The following SLC24A2 variants were observed in gnomAD, a reference collection of about 807,000 sequenced individuals.
SLC24A2 encodes sodium/potassium/calcium exchanger 2.
SLC24A2 carries 36 observed loss-of-function variants against 62.0 expected under a neutral mutation model. That is an observed-to-expected ratio of 0.58 (90% CI 0.44 to 0.77). The LOEUF (loss-of-function observed/expected upper bound fraction) is 0.77. Ranked by LOEUF, SLC24A2 falls within the 30% of genes least tolerant of loss-of-function variation. The probability of loss-of-function intolerance (pLI) is 0.00; values close to 1 mark genes in which losing one functional copy is unlikely to be tolerated. For missense variants in SLC24A2, 846 were observed against 817.9 expected, an observed-to-expected ratio of 1.03 and a Z score of -0.42; for synonymous variants, 358 against 294.0, an observed-to-expected ratio of 1.22 and a Z score of -2.23.
chr9:19,788,161 G>T (rs769176837), intron 1 of SLC24A2, among the ~76,000 whole-genome samples: 35 of 152,164 alleles, frequency 2.3e-4, no homozygotes, highest in Non-Finnish European at 4.7e-4. Context: ...CAGGTTTTCA[G>T]AGCAAAGCAA....
chr9:19,943,948 T>A, the SLC24A2 span, among the ~76,000 whole-genome samples: 2 of 152,144 alleles, frequency 1.3e-5, no homozygotes, highest in Admixed American at 1.3e-4. Context: ...GAACACCACA[T>A]TTTTCTACCA....
the SLC24A2 span, among the ~76,000 whole-genome samples, chr9:19,819,528 C>T: frequency 6.6e-6 from 1 of 151,860 alleles, no homozygotes; most frequent in African/African-American, 2.4e-5. Flanking sequence ...AAAAACAATC[C>T]CATCAAAAAG....
the SLC24A2 span, among the ~76,000 whole-genome samples, chr9:20,197,612 T>C: frequency 2.0e-5 from 3 of 151,780 alleles, no homozygotes; most frequent in Non-Finnish European, 1.5e-5. Flanking sequence ...TTGTATTTTT[T>C]AGAGAGACAG....
At chr9:20,288,612 T>C in the SLC24A2 span, among the ~76,000 whole-genome samples, 1 of 151,588 alleles carries the variant, frequency 6.6e-6, no homozygotes, top group Admixed American at 6.6e-5. Flanking sequence ...CTACTAAAAA[T>C]ACAAAAAATT....
chr9:20,234,954 C>T, the SLC24A2 span, among the ~76,000 whole-genome samples: 1 of 152,210 alleles, frequency 6.6e-6, no homozygotes, highest in Non-Finnish European at 1.5e-5. Flanking sequence ...AGACAGGACC[C>T]TCAGCTGCAG....
chr9:19,758,632 A>C (rs1465164586), intron 2 of SLC24A2, among the ~76,000 whole-genome samples: 2 of 152,204 alleles, frequency 1.3e-5, no homozygotes, highest in African/African-American at 2.4e-5. Flanking sequence ...CTTTTGAAAG[A>C]ACCATAGGAG....
At chr9:19,564,765 A>G (rs879814178) in intron 7 of SLC24A2, among the ~76,000 whole-genome samples, 1 of 152,168 alleles carries the variant, frequency 6.6e-6, no homozygotes, top group Non-Finnish European at 1.5e-5. Flanking sequence ...TAAAAGTTGA[A>G]TTTTTAGATT....
intron 2 of SLC24A2, among the ~76,000 whole-genome samples, chr9:19,763,676 T>C (rs535237643): frequency 3.3e-5 from 5 of 152,292 alleles, no homozygotes; most frequent in African/African-American, 1.2e-4. Context: ...TTGATCATGG[T>C]GGATAAGCTT....
At chr9:20,089,197 A>T in the SLC24A2 span, among the ~76,000 whole-genome samples, 3 of 152,020 alleles carry the variant, frequency 2.0e-5, no homozygotes, top group African/African-American at 7.3e-5. Context: ...AGGGACCAGA[A>T]ACTGGTCTGG....
the SLC24A2 span, among the ~76,000 whole-genome samples, chr9:19,976,323 G>A: frequency 2.0e-5 from 3 of 152,234 alleles, no homozygotes; most frequent in African/African-American, 7.2e-5. Context: ...GGGGCCTGGT[G>A]GGAGGTGACT....
At chr9:20,216,223 C>G in the SLC24A2 span, among the ~76,000 whole-genome samples, 1 of 152,128 alleles carries the variant, frequency 6.6e-6, no homozygotes, top group African/African-American at 2.4e-5. Flanking sequence ...ATCCCGTTTG[C>G]CTCAGGAAAA....
At chr9:20,045,968 G>C in the SLC24A2 span, among the ~76,000 whole-genome samples, 2 of 152,122 alleles carry the variant, frequency 1.3e-5, no homozygotes, top group Admixed American at 1.3e-4. Context: ...TAGTGCAAAG[G>C]ACCTGTGCCT....
intron 2 of SLC24A2, among the ~76,000 whole-genome samples, chr9:19,714,663 C>T (rs1820807627): frequency 6.6e-6 from 1 of 151,976 alleles, no homozygotes; most frequent in Non-Finnish European, 1.5e-5. Context: ...TTAAGATATA[C>T]AACATGATGT....
At chr9:20,041,370 T>A in the SLC24A2 span, among the ~76,000 whole-genome samples, 3 of 152,222 alleles carry the variant, frequency 2.0e-5, no homozygotes, top group Non-Finnish European at 4.4e-5. Context: ...TACCGACACA[T>A]GTTTTTGCTA....
intron 2 of SLC24A2, among the ~76,000 whole-genome samples, chr9:19,734,058 G>A (rs533208025): frequency 1.3e-5 from 2 of 152,270 alleles, no homozygotes; most frequent in East Asian, 1.9e-4. Context: ...GAACAGTTTA[G>A]GGATGTTCTT....
At chr9:19,837,738 A>T in the SLC24A2 span, among the ~76,000 whole-genome samples, 3 of 152,104 alleles carry the variant, frequency 2.0e-5, no homozygotes, top group Non-Finnish European at 2.9e-5. Flanking sequence ...TACAAAATCA[A>T]TGTGCAAAAA....
At chr9:19,924,101 C>T in the SLC24A2 span, among the ~76,000 whole-genome samples, 33 of 152,278 alleles carry the variant, frequency 2.2e-4, no homozygotes, top group Non-Finnish European at 4.1e-4. Context: ...GTTATGCCAC[C>T]GTCATGCCTG....
rs907016031 is a variant in SLC24A2, at chr9:19,547,857, G to C, written c.1479+2280C>G. ...GAGAGAGACAGACAGAGAGAGGAGA[G>C]ACAATGCAAGCATATCTTAGAAATG... On this transcript the variant is annotated intron_variant, in intron 8 of 10. Coordinates refer to ENST00000341998, the MANE Select transcript of SLC24A2 (RefSeq NM_020344.4). Among the ~76,000 whole-genome samples, 24 of 151,724 alleles carry C rather than the reference G, an allele frequency of 1.6e-4. 2 individuals carry two copies. The highest frequency in any genetic ancestry group is 5.6e-4 in the African/African-American group (23 of 40,968).
chr9:19,519,553 C>G (rs1299768572), intron 10 of SLC24A2, among the ~76,000 whole-genome samples: 1 of 152,116 alleles, frequency 6.6e-6, no homozygotes, highest in Non-Finnish European at 1.5e-5. Context: ...AAACATACAC[C>G]TTTTAAGGCA....
Sources: gnomAD v4.1 joint callset for allele counts (sites outside exome capture counted in the v4.1 genomes callset) on GRCh38, gnomAD v4.1.1 for gene constraint, MANE v1.5 for transcripts, NCBI Gene and HGNC (gene_info 2026-07-23, HGNC 2026-07-21) for gene names.